SLC26A3: variants seen among roughly 807,000 people sequenced by gnomAD.
The protein encoded by SLC26A3 is solute carrier family 26 member 3, also known as chloride anion exchanger.
SLC26A3 carries 64 observed loss-of-function variants against 85.6 expected under a neutral mutation model. The observed-to-expected ratio is 0.75, with a 90% confidence interval of 0.61 to 0.92. The LOEUF is 0.92. Among genes scored for constraint, SLC26A3 ranks in the 40% least tolerant of loss-of-function variants. The pLI, the probability that SLC26A3 is intolerant of heterozygous loss-of-function variation, is 0.00. For missense variants in SLC26A3, 922 were observed against 927.3 expected, an observed-to-expected ratio of 0.99 and a Z score of 0.07; for synonymous variants, 349 against 336.0, an observed-to-expected ratio of 1.04 and a Z score of -0.42.
chr7:107,765,560 C>CTA lies in SLC26A3; in HGVS notation c.*293_*294dup. 1 of 355,440 alleles carries CTA rather than the reference C, an allele frequency of 2.8e-6. No individual in the cohort carries two copies. Among genetic ancestry groups the CTA allele is most frequent in the South Asian group, 4.1e-5 (1 of 24,384 alleles). 22.0% of individuals were successfully genotyped at this position (355,440 alleles called of 1,614,324 possible). Reference sequence around the variant, plus strand: ...CAGTGGCGCCACTATACTGCTAAACCTATGCATGAAGGTAGTGACTAGGAT... The same window carrying CTA: ...CAGTGGCGCCACTATACTGCTAAACCTATATGCATGAAGGTAGTGACTAGGAT... On this transcript the variant is annotated 3_prime_UTR_variant, in exon 21 of 21. Transcript: ENST00000340010.
chr7:107,767,846 A>C lies in SLC26A3; in HGVS notation c.2125T>G (p.Phe709Val), dbSNP rs1481530553. 2.5e-6 allele frequency: 4 copies of C among 1,613,560 alleles called. No individual in the cohort carries two copies. The South Asian group carries it at 4.4e-5, about 18-fold the overall frequency. The change falls in exon 19 of 21, where the codon TTT becomes GTT. Residue 709 changes from phenylalanine to valine, a missense_variant. Transcript: ENST00000340010. ...ACAGCATCATGGATTGTTAAGAAAA[A>C]TATTGAGCTTTTCACTTCACCATCA... ...FFDGEVKSSI[F>V]FLTIHDAVLH...
chr7:107,799,689 G>A lies in SLC26A3; in HGVS notation c.-89+3422C>T, dbSNP rs567129697. Among the ~76,000 whole-genome samples, 498 of 152,282 alleles carry A rather than the reference G, an allele frequency of 3.3e-3. 1 individual carries two copies. Among genetic ancestry groups the A allele is most frequent in the Non-Finnish European group, 5.2e-3 (357 of 68,032 alleles). On this transcript the variant is annotated intron_variant, in intron 1 of 20. Transcript: ENST00000340010. The stretch of plus-strand genomic sequence containing the variant: ...TTACAGGCGTGAGCACCCGGCCCAA[G>A]GCTTCAATTTCCTTAAAGCAAAAGG...
At chr7:107,783,679 T>C (rs555248737) in intron 8 of SLC26A3, among the ~76,000 whole-genome samples, 23 of 152,354 alleles carry the variant, frequency 1.5e-4, no homozygotes, top group Admixed American at 1.2e-3. Flanking sequence ...ACTTGTATTG[T>C]TACACTGGGC....
intron 1 of SLC26A3, among the ~76,000 whole-genome samples, chr7:107,799,988 TA>T (rs1346206141): frequency 6.6e-6 from 1 of 152,228 alleles, no homozygotes; most frequent in African/African-American, 2.4e-5. Flanking sequence ...AACATAGTTT[TA>T]AAATAATCTA....
At chr7:107,772,842 A>G (rs745585173) in intron 17 of SLC26A3, among the ~76,000 whole-genome samples, 15 of 152,184 alleles carry the variant, frequency 9.9e-5, no homozygotes, top group Non-Finnish European at 1.9e-4. Flanking sequence ...CAAAACCAAA[A>G]AAGAAAAGAA....
intron 3 of SLC26A3, among the ~76,000 whole-genome samples, chr7:107,792,181 C>T (rs1173224221): frequency 6.6e-6 from 1 of 152,110 alleles, no homozygotes; most frequent in East Asian, 1.9e-4. Flanking sequence ...ATGGCATAAG[C>T]CAGCAGTCCC....
At position 107,767,619 on chromosome 7, in the gene SLC26A3, G is replaced by A. The variant is rs1263531170; in HGVS notation, c.2231C>T (p.Thr744Ile). 5 of 1,610,672 alleles carry A rather than the reference G, an allele frequency of 3.1e-6. No homozygotes were observed. The highest frequency in any genetic ancestry group is 4.2e-6 in the Non-Finnish European group (5 of 1,177,176). ...ACGTAATCCTCCATTTGTATTTATGGTAAAATCAATTTTTCCATCTTTTTC... is the reference window on the plus strand; with the variant it reads ...ACGTAATCCTCCATTTGTATTTATGATAAAATCAATTTTTCCATCTTTTTC... Reference protein sequence around the residue: ...SQEKDGKIDFTINTNGGLRNR... With the variant: ...SQEKDGKIDFIINTNGGLRNR... The change falls in exon 20 of 21, where the codon ACC becomes ATC. Residue 744 changes from threonine to isoleucine, a missense_variant. Thr to Ile is a moderately conservative substitution (Grantham distance 89, BLOSUM62 -1). Coordinates refer to ENST00000340010, the MANE Select transcript of SLC26A3 (RefSeq NM_000111.3).
At chr7:107,790,649 G>A (rs1794380325) in intron 5 of SLC26A3, among the ~76,000 whole-genome samples, 1 of 152,092 alleles carries the variant, frequency 6.6e-6, no homozygotes, top group Non-Finnish European at 1.5e-5. Context: ...GATTATAGTT[G>A]CTGAAGAATT....
Position 107,789,520 on chromosome 7 carries a change from T to C in SLC26A3, c.735+4A>G. On this transcript the variant is annotated splice_donor_region_variant and intron_variant, in intron 6 of 20. Coordinates refer to ENST00000340010, the MANE Select transcript of SLC26A3 (RefSeq NM_000111.3). Reference sequence around the variant, plus strand: ...AGTATTTTTTAGGTGAAAGAAATACTTACTTTGAAAATTGAAACTGGATCA... The same window carrying C: ...AGTATTTTTTAGGTGAAAGAAATACCTACTTTGAAAATTGAAACTGGATCA... 6.2e-7 allele frequency: 1 copy of C among 1,613,692 alleles called. No individual in the cohort carries two copies. Among genetic ancestry groups the C allele is most frequent in the Non-Finnish European group, 8.5e-7 (1 of 1,179,684 alleles).
In SLC26A3 at chr7:107,791,060, A is replaced by G; in HGVS notation, c.558T>C (p.Ser186=). The change falls in exon 5 of 21, where the codon TCT becomes TCC. Residue 186 remains serine, a synonymous_variant. Transcript: ENST00000340010. The part of the protein sequence containing the change: ...VAAAASVTVL[S]GIIQLAFGIL... The stretch of plus-strand genomic sequence containing the variant: ...AGAAGGTGCTCACCTGGATGATTCC[A>G]GAAAGCACTGTGACTGATGCCGCCG... 2 of 1,613,902 alleles carry G rather than the reference A, an allele frequency of 1.2e-6. No homozygotes were observed. The highest frequency in any genetic ancestry group is 1.7e-6 in the Non-Finnish European group (2 of 1,180,004).
Position 107,789,670 on chromosome 7 carries a change from G to A in SLC26A3, c.589C>T (p.Arg197Trp), listed in dbSNP as rs1258268244. ...AGGTATATCACTACAAATCCAATCC[G>A]CAGAATCCCAAAAGCCAACTGGAAA... Reference protein sequence around the residue: ...GIIQLAFGILRIGFVVIYLSE... With the variant: ...GIIQLAFGILWIGFVVIYLSE... Residue 197 changes from arginine to tryptophan, a missense_variant, in exon 6 of 21, where the codon CGG (arginine) becomes TGG (tryptophan). By Grantham distance (101) the Arg-to-Trp change is moderately radical. Coordinates refer to ENST00000340010, the MANE Select transcript of SLC26A3 (RefSeq NM_000111.3). The A allele has an allele frequency of 6.2e-7, 1 of 1,613,410 alleles. No homozygotes were observed. The highest frequency in any genetic ancestry group is 8.5e-7 in the Non-Finnish European group (1 of 1,179,734).
intron 18 of SLC26A3, 103 bp downstream of exon 18, chr7:107,771,951 G>A: frequency 1.2e-6 from 1 of 806,214 alleles, no homozygotes. Flanking sequence ...TTTTCATCAT[G>A]ATTATATAAA....
rs1033041654 is a variant in SLC26A3, at chr7:107,779,590, T to A, written c.1407+78A>T. The A allele has an allele frequency of 2.6e-6, 3 of 1,160,228 alleles. No individual in the cohort carries two copies. The South Asian group carries it at 3.8e-5, about 15-fold the overall frequency. The allele number at this position is 1,160,228 out of a possible 1,614,324, so 71.9% of individuals were successfully genotyped here. ...AAACAAAATTTCACTTAGTTTACAA[T>A]ATAAACATGCATTTCACATTAGCAT... is the stretch of plus-strand genomic sequence containing the variant. On this transcript the variant is annotated intron_variant, in intron 12 of 20. Transcript: ENST00000340010.
At chr7:107,776,574 T>G (rs760238585) in intron 14 of SLC26A3, 30 bp from the exon 15 acceptor site, 51 of 1,608,694 alleles carry the variant, frequency 3.2e-5, no homozygotes, top group Non-Finnish European at 4.3e-5. Context: ...TGTTAGGTGT[T>G]GCCCATTAGA....
chr7:107,770,102 GTCTTTCT>G (rs201072418), intron 18 of SLC26A3, among the ~76,000 whole-genome samples: 41 of 55,344 alleles, frequency 7.4e-4, no homozygotes, highest in African/African-American at 1.7e-3. Context: ...TTCTTATTTC[GTCTTTCT>G]TCTTTCTTCT....
intron 1 of SLC26A3, among the ~76,000 whole-genome samples, chr7:107,800,320 C>T (rs993947939): frequency 1.3e-5 from 2 of 152,194 alleles, no homozygotes; most frequent in Non-Finnish European, 2.9e-5. Flanking sequence ...TATAAAGAAA[C>T]CCTGTCTCTA....
chr7:107,772,277 G>A (rs1037882067), intron 17 of SLC26A3, among the ~76,000 whole-genome samples, 169 bp from the exon 18 acceptor site: 1 of 152,180 alleles, frequency 6.6e-6, no homozygotes, highest in Non-Finnish European at 1.5e-5. Flanking sequence ...ACAAGGCTCT[G>A]TGACAGAAAT....
chr7:107,793,790 T>C lies in SLC26A3; in HGVS notation c.223A>G (p.Ser75Gly), dbSNP rs1297102698. 1.9e-6 allele frequency: 3 copies of C among 1,614,050 alleles called. No individual in the cohort carries two copies. The highest frequency in any genetic ancestry group is 2.5e-6 in the Non-Finnish European group (3 of 1,180,002). The change falls in exon 3 of 21, where the codon AGT (serine) becomes GGT (glycine). Residue 75 changes from serine to glycine, a missense_variant. Transcript: ENST00000340010. Reference protein sequence around the residue: ...PAYRLKEWLLSDIVSGISTGI... With the variant: ...PAYRLKEWLLGDIVSGISTGI... ...GTGCTGATACCAGAAACAATATCAC[T>C]GAGCAACCATTCTTTAAGCCGGTAT... is the stretch of plus-strand genomic sequence containing the variant.
intron 20 of SLC26A3, among the ~76,000 whole-genome samples, chr7:107,766,343 A>G (rs1205607085): frequency 1.3e-5 from 2 of 152,168 alleles, no homozygotes; most frequent in Admixed American, 6.6e-5. Flanking sequence ...GGTAAATGCT[A>G]TTCCTACCCT....
Sources: allele counts gnomAD v4.1 joint callset (sites outside exome capture counted in the v4.1 genomes callset), GRCh38; gene constraint gnomAD v4.1.1; transcripts MANE v1.5; gene names NCBI Gene and HGNC (gene_info 2026-07-23, HGNC 2026-07-21).